NR1H3: variants seen among roughly 807,000 people sequenced by gnomAD.
NR1H3 encodes nuclear receptor subfamily 1 group H member 3, also known as oxysterols receptor LXR-alpha.
A neutral mutation model predicts 48.1 loss-of-function variants in NR1H3; 19 were observed. The observed-to-expected ratio is 0.40, with a 90% CI of 0.28 to 0.58. NR1H3 has a LOEUF of 0.58. Among genes scored for constraint, NR1H3 ranks in the 20% least tolerant of loss-of-function variants. The pLI, the probability that NR1H3 is intolerant of heterozygous loss-of-function variation, is 0.50. For missense variants in NR1H3, 486 were observed against 595.9 expected, an observed-to-expected ratio of 0.82 and a Z score of 1.92; for synonymous variants, 232 against 227.3, an observed-to-expected ratio of 1.02 and a Z score of -0.19.
At chr11:47,251,377 C>A (rs12577319) in intron 1 of NR1H3, among the ~76,000 whole-genome samples, 1 of 151,802 alleles carries the variant, frequency 6.6e-6, no homozygotes, top group Non-Finnish European at 1.5e-5. Context: ...TTTGGGAGGA[C>A]GAGGCGGGTG....
upstream of NR1H3, among the ~76,000 whole-genome samples, chr11:47,255,701 G>A (rs960293017): frequency 7.3e-6 from 1 of 136,452 alleles, no homozygotes; most frequent in Non-Finnish European, 1.6e-5. Flanking sequence ...GAGTTTTGCT[G>A]TTGTTGCCCG....
At chr11:47,249,117 G>A in intron 1 of NR1H3, 9 of 976,048 alleles carry the variant, frequency 9.2e-6, no homozygotes, top group Non-Finnish European at 1.3e-5. Context: ...CTTGCAGTGG[G>A]CGGGACCATG....
At chr11:47,256,731 CTTT>C (rs59869867), upstream of NR1H3, among the ~76,000 whole-genome samples, 40 of 134,042 alleles carry the variant, frequency 3.0e-4, no homozygotes, top group South Asian at 2.1e-3. Context: ...AATAATATTT[CTTT>C]TTTTTTTTTT....
chr11:47,268,637 C>T lies in NR1H3; in HGVS notation c.1285C>T (p.Arg429Cys). 6.2e-7 allele frequency: 1 copy of T among 1,614,214 alleles called. No homozygotes were observed. Among genetic ancestry groups the T allele is most frequent in the Non-Finnish European group, 8.5e-7 (1 of 1,180,020 alleles). The change falls in exon 10 of 10, where the codon CGT becomes TGT. Residue 429 changes from arginine (R) to cysteine (C), a missense_variant. Arg to Cys is a radical substitution (Grantham distance 180). Coordinates refer to ENST00000441012, the MANE Select transcript of NR1H3 (RefSeq NM_005693.4). Reference protein sequence around the residue: ...SVHSEQVFALRLQDKKLPPLL... With the variant: ...SVHSEQVFALCLQDKKLPPLL... ...CCACTCAGAGCAAGTGTTTGCACTG[C>T]GTCTGCAGGACAAAAAGCTCCCACC...
In NR1H3 at chr11:47,261,556, A is replaced by G. The variant is rs747140233; in HGVS notation, c.718A>G (p.Met240Val). The G allele has an allele frequency of 2.5e-6, 4 of 1,613,938 alleles. No homozygotes were observed. Among genetic ancestry groups the G allele is most frequent in the South Asian group, 1.1e-5 (1 of 91,080 alleles). ...TTTCCCTCCTGGGTAGCCTTGGCCC[A>G]TGGCACCAGATCCCCATAGCCGGGA... ...SDRLRVTPWP[M>V]APDPHSREAR... The change falls in exon 6 of 10, where the codon ATG becomes GTG. Residue 240 changes from methionine (M) to valine (V), a missense_variant. Physicochemically the swap from Met to Val is conservative, Grantham distance 21. Coordinates refer to ENST00000441012, the MANE Select transcript of NR1H3 (RefSeq NM_005693.4).
intron 1 of NR1H3, among the ~76,000 whole-genome samples, chr11:47,251,084 A>G (rs1846927070): frequency 2.0e-5 from 3 of 152,126 alleles, no homozygotes; most frequent in Admixed American, 2.0e-4. Flanking sequence ...TCGTGAACCC[A>G]GCAGGCGGAG....
upstream of NR1H3, among the ~76,000 whole-genome samples, chr11:47,254,580 T>C (rs1194297474): frequency 6.6e-6 from 1 of 151,990 alleles, no homozygotes; most frequent in Admixed American, 6.6e-5. Flanking sequence ...GGTGGGGGCC[T>C]TGGGAGGGGA....
At chr11:47,263,352 C>G (rs1956117810) in intron 7 of NR1H3, among the ~76,000 whole-genome samples, 1 of 150,972 alleles carries the variant, frequency 6.6e-6, no homozygotes, top group Non-Finnish European at 1.5e-5. Context: ...GCAGCCTCAA[C>G]CACCTGGGCT....
At position 47,268,814 on chromosome 11, in the gene NR1H3, C is replaced by T; in HGVS notation, c.*118C>T. ...ATTCCTGGGAGCTGGGCAAGGAGAT[C>T]CTCCCGTGGCATTAAAAGAGAGTCA... On this transcript the variant is annotated 3_prime_UTR_variant, in exon 10 of 10. Coordinates refer to ENST00000441012, the MANE Select transcript of NR1H3 (RefSeq NM_005693.4). 1 of 1,300,182 alleles carries T rather than the reference C, an allele frequency of 7.7e-7. No individual in the cohort carries two copies. The highest frequency in any genetic ancestry group is 1.1e-6 in the Non-Finnish European group (1 of 945,930). 80.5% of individuals were successfully genotyped at this position (1,300,182 alleles called of 1,614,324 possible).
chr11:47,259,802 G>A lies in NR1H3; in HGVS notation c.55G>A (p.Glu19Lys), dbSNP rs767217290. 6.8e-6 allele frequency: 11 copies of A among 1,612,012 alleles called. No homozygotes were observed. The highest frequency in any genetic ancestry group is 1.7e-5 in the Admixed American group (1 of 59,996). Residue 19 changes from glutamate to lysine, a missense_variant, in exon 3 of 10, where the codon GAG becomes AAG. Glu to Lys is a moderately conservative substitution (Grantham distance 56). Coordinates refer to ENST00000441012, the MANE Select transcript of NR1H3 (RefSeq NM_005693.4). Reference protein sequence around the residue: ...VPDIPPDSAVELWKPGAQDAS... With the variant: ...VPDIPPDSAVKLWKPGAQDAS... ...CTTTTGGAGCTCAGACTCTGCGGTG[G>A]AGCTGTGGAAGCCAGGCGCACAGGA...
chr11:47,259,755 C>G, intron 2 of NR1H3, 36 bp from the exon 3 acceptor site: 1 of 1,610,414 alleles, frequency 6.2e-7, no homozygotes, highest in Non-Finnish European at 8.5e-7. Context: ...CGGGATGGGG[C>G]CTGAGACCCC....
At chr11:47,248,513 A>G (rs1288105934), upstream of NR1H3, 7 of 1,551,112 alleles carry the variant, frequency 4.5e-6, no homozygotes, top group Admixed American at 5.9e-5. Flanking sequence ...CCTGACTCCC[A>G]TAAGCCAGGG....
At chr11:47,263,020 T>C (rs182341742) in intron 7 of NR1H3, among the ~76,000 whole-genome samples, 4 of 152,290 alleles carry the variant, frequency 2.6e-5, no homozygotes, top group African/African-American at 7.2e-5. Context: ...CTGAGAGATA[T>C]ATGGAATGGC....
At chr11:47,266,586 G>T (rs899133519) in intron 7 of NR1H3, among the ~76,000 whole-genome samples, 1 of 151,764 alleles carries the variant, frequency 6.6e-6, no homozygotes, top group Admixed American at 6.6e-5. Flanking sequence ...CGTCTGCCTC[G>T]GCCTCCTAAA....
At chr11:47,253,746 G>C (rs1022176503), upstream of NR1H3, among the ~76,000 whole-genome samples, 1 of 152,288 alleles carries the variant, frequency 6.6e-6, no homozygotes, top group African/African-American at 2.4e-5. Flanking sequence ...GTTCTGGGGG[G>C]CCAGATATGT....
chr11:47,251,858 G>A (rs913463698), intron 1 of NR1H3, among the ~76,000 whole-genome samples: 2 of 152,078 alleles, frequency 1.3e-5, no homozygotes, highest in African/African-American at 4.8e-5. Flanking sequence ...AGTATCCCAC[G>A]TAGGAGGGAT....
rs1214583948 is a variant in NR1H3 at position 47,261,993 on chromosome 11, T to C, written c.963T>C (p.Tyr321=). Residue 321 remains tyrosine (Y), a synonymous_variant, in exon 7 of 10, where the codon TAT becomes TAC. Transcript: ENST00000441012. Reference sequence around the variant, plus strand: ...TCACCTTCCTCAAGGATTTCAGTTATAACCGGGAAGACTTTGCCAAAGCAG... The same window carrying C: ...TCACCTTCCTCAAGGATTTCAGTTACAACCGGGAAGACTTTGCCAAAGCAG... ...ESITFLKDFS[Y]NREDFAKAGL... 6.2e-7 allele frequency: 1 copy of C among 1,613,692 alleles called. No individual in the cohort carries two copies. Among genetic ancestry groups the C allele is most frequent in the Non-Finnish European group, 8.5e-7 (1 of 1,179,728 alleles).
upstream of NR1H3, among the ~76,000 whole-genome samples, chr11:47,255,557 CTTTCTTTCTTTCTTTCTT>C (rs1565178271): frequency 0.015 from 1,074 of 69,364 alleles, 5 homozygotes; most frequent in Non-Finnish European, 0.021. Flanking sequence ...TTCTTTCTTT[CTTTCTTTCTTTCTTTCTT>C]TCTTTCTTTC....
upstream of NR1H3, chr11:47,257,546 C>T: frequency 3.2e-6 from 2 of 620,322 alleles, no homozygotes; most frequent in Non-Finnish European, 4.0e-6. Context: ...TGGCCTCTTC[C>T]CAGAGGCAAG....
Sources: gnomAD v4.1 joint callset for allele counts (sites outside exome capture counted in the v4.1 genomes callset) on GRCh38, gnomAD v4.1.1 for gene constraint, MANE v1.5 for transcripts, NCBI Gene and HGNC (gene_info 2026-07-23, HGNC 2026-07-21) for gene names.